The following KCND3 variants were observed in gnomAD, a reference collection of about 807,000 sequenced individuals.
The protein encoded by KCND3 is potassium voltage-gated channel subfamily D member 3.
KCND3 carries 9 observed loss-of-function variants against 51.1 expected under a neutral mutation model. That is an observed-to-expected ratio of 0.18 (90% CI 0.11 to 0.31). The LOEUF (loss-of-function observed/expected upper bound fraction) is 0.31. Among genes scored for constraint, KCND3 ranks in the 10% least tolerant of loss-of-function variants. The pLI is 1.00. For synonymous variants in KCND3, 349 were observed against 368.0 expected, an observed-to-expected ratio of 0.95 and a Z score of 0.59; for missense variants, 526 against 903.8, an observed-to-expected ratio of 0.58 and a Z score of 5.36.
chr1:111,815,739 G>A (rs542016212), intron 2 of KCND3, among the ~76,000 whole-genome samples: 12 of 151,910 alleles, frequency 7.9e-5, no homozygotes, highest in East Asian at 1.9e-4. Context: ...CAATAGTCCC[G>A]AATAACATAT....
chr1:111,778,068 G>C (rs1051999559), intron 6 of KCND3, among the ~76,000 whole-genome samples: 3 of 152,236 alleles, frequency 2.0e-5, no homozygotes, highest in African/African-American at 4.8e-5. Flanking sequence ...AAGAGAAGTG[G>C]CATGAAAACA....
Position 111,816,922 on chromosome 1 carries a change from G to A in KCND3, c.1107-29816C>T, listed in dbSNP as rs550183144. ...CAACTGAGCTCTGAGACGCGCCTGT[G>A]TCTGGTGCAGTCCACAAGCACAGGG... On this transcript the variant is annotated intron_variant, in intron 2 of 7. Coordinates refer to ENST00000302127, the MANE Select transcript of KCND3 (RefSeq NM_001378969.1). Among the ~76,000 whole-genome samples, 6 of 152,336 alleles carry A rather than the reference G, an allele frequency of 3.9e-5. No individual in the cohort carries two copies. In the South Asian group the frequency reaches 1.0e-3, roughly 26 times the overall value.
chr1:111,811,764 A>G (rs2101574935), intron 2 of KCND3, among the ~76,000 whole-genome samples: 1 of 152,380 alleles, frequency 6.6e-6, no homozygotes, highest in South Asian at 2.1e-4. Context: ...TGGTATGACT[A>G]AAATTCTATT....
chr1:111,939,876 A>G (rs1672410819), intron 2 of KCND3, among the ~76,000 whole-genome samples: 1 of 152,056 alleles, frequency 6.6e-6, no homozygotes, highest in Admixed American at 6.6e-5. Context: ...ATTTCTCCAC[A>G]TCCTCTCCAG....
intron 2 of KCND3, among the ~76,000 whole-genome samples, chr1:111,980,135 T>C (rs1674864033): frequency 6.6e-6 from 1 of 151,886 alleles, no homozygotes; most frequent in Admixed American, 6.6e-5. Context: ...ATCTGCCACC[T>C]GAGCCAAGAG....
intron 2 of KCND3, among the ~76,000 whole-genome samples, chr1:111,842,725 T>C (rs945028319): frequency 2.6e-5 from 4 of 152,192 alleles, no homozygotes; most frequent in Admixed American, 2.6e-4. Flanking sequence ...GTTGTGTATA[T>C]GATCTGAGAA....
chr1:111,784,692 T>A (rs1452262142), intron 3 of KCND3, among the ~76,000 whole-genome samples: 1 of 151,940 alleles, frequency 6.6e-6, no homozygotes, highest in Non-Finnish European at 1.5e-5. Flanking sequence ...GCAGCCAGCA[T>A]TTTTTTTCCC....
At chr1:111,910,982 A>G (rs1016725679) in intron 2 of KCND3, 1 of 152,262 alleles carries the variant, frequency 6.6e-6, no homozygotes, top group Non-Finnish European at 1.5e-5. Flanking sequence ...GAATAGACCT[A>G]TGGTTCTGGA....
intron 2 of KCND3, among the ~76,000 whole-genome samples, chr1:111,882,342 C>T (rs529439154): frequency 3.9e-5 from 6 of 152,318 alleles, no homozygotes; most frequent in East Asian, 3.9e-4. Context: ...CTCTGGCGTC[C>T]GGTTTGGATG....
chr1:111,979,399 T>C (rs1425893751), intron 2 of KCND3, among the ~76,000 whole-genome samples: 1 of 152,248 alleles, frequency 6.6e-6, no homozygotes, highest in Non-Finnish European at 1.5e-5. Context: ...AAATGTTTTA[T>C]TTTTAAAATC....
At chr1:111,943,935 G>A (rs148378521) in intron 2 of KCND3, among the ~76,000 whole-genome samples, 69 of 152,262 alleles carry the variant, frequency 4.5e-4, no homozygotes, top group African/African-American at 1.5e-3. Flanking sequence ...AAACCCAGCC[G>A]GGGCCGCACA....
chr1:111,873,720 C>T (rs907305449), intron 2 of KCND3, among the ~76,000 whole-genome samples: 1 of 152,128 alleles, frequency 6.6e-6, no homozygotes, highest in Admixed American at 6.5e-5. Flanking sequence ...AACATGCCTT[C>T]TCCCTCCCAG....
intron 2 of KCND3, chr1:111,910,362 A>G (rs2101812947): frequency 6.6e-6 from 1 of 152,170 alleles, no homozygotes; most frequent in East Asian, 1.9e-4. Flanking sequence ...TCCAGTTCAC[A>G]CTCCTGTCCC....
intron 2 of KCND3, among the ~76,000 whole-genome samples, chr1:111,933,294 G>GC (rs1211258161): frequency 6.6e-6 from 1 of 152,150 alleles, no homozygotes; most frequent in African/African-American, 2.4e-5. Flanking sequence ...CTTCATGGCA[G>GC]CCTGAGGTTG....
At chr1:111,806,177 G>C (rs1277394151) in intron 2 of KCND3, among the ~76,000 whole-genome samples, 1 of 152,180 alleles carries the variant, frequency 6.6e-6, no homozygotes, top group Admixed American at 6.5e-5. Flanking sequence ...CCAAAGAACG[G>C]GGTCACTCAA....
chr1:111,771,627 C>T lies in KCND3; in HGVS notation c.*4450G>A, dbSNP rs1663909142. 6.6e-6 allele frequency: 1 copy of T among 152,134 alleles called. No homozygotes were observed. The highest frequency in any genetic ancestry group is 2.4e-5 in the African/African-American group (1 of 41,416). 9.4% of individuals were successfully genotyped at this position (152,134 alleles called of 1,614,324 possible). ...TACATAATGTCCCAATGTACATTTT[C>T]CTTGTCTACAATCTAATAAGTGATA... On this transcript the variant is annotated 3_prime_UTR_variant, in exon 8 of 8. Coordinates refer to ENST00000302127, the MANE Select transcript of KCND3 (RefSeq NM_001378969.1).
At chr1:111,803,488 G>A (rs1665416784) in intron 2 of KCND3, among the ~76,000 whole-genome samples, 1 of 152,096 alleles carries the variant, frequency 6.6e-6, no homozygotes, top group Non-Finnish European at 1.5e-5. Context: ...GTGTGTTTGT[G>A]TAAAATTCCT....
chr1:111,942,040 T>C (rs1469330255), intron 2 of KCND3, among the ~76,000 whole-genome samples: 1 of 151,808 alleles, frequency 6.6e-6, no homozygotes, highest in African/African-American at 2.4e-5. Flanking sequence ...GGACTTGGAG[T>C]ATAAGAGAAA....
rs188860097 is a variant in KCND3 at position 111,892,362 on chromosome 1, C to A, written c.1106+89259G>T. Among the ~76,000 whole-genome samples the A allele has an allele frequency of 2.6e-5, 4 of 152,318 alleles. No homozygotes were observed. The East Asian group carries it at 7.7e-4, about 29-fold the overall frequency. ...TTATTGGGCATTGCCCTGGACAATGCAGTGAGCCAGCTCTCCAATGTGTGA... is the reference window on the plus strand; with the variant it reads ...TTATTGGGCATTGCCCTGGACAATGAAGTGAGCCAGCTCTCCAATGTGTGA... On this transcript the variant is annotated intron_variant, in intron 2 of 7. Coordinates refer to ENST00000302127, the MANE Select transcript of KCND3 (RefSeq NM_001378969.1).
Sources: gnomAD v4.1 joint callset for allele counts (sites outside exome capture counted in the v4.1 genomes callset) on GRCh38, gnomAD v4.1.1 for gene constraint, MANE v1.5 for transcripts, NCBI Gene and HGNC (gene_info 2026-07-23, HGNC 2026-07-21) for gene names.